Variants in PRKCE observed in about 807,000 individuals in gnomAD.
The protein encoded by PRKCE is protein kinase C epsilon.
A neutral mutation model predicts 85.4 loss-of-function variants in PRKCE; 16 were observed. That is an observed-to-expected ratio of 0.19 (90% CI 0.13 to 0.28). The LOEUF is 0.28. Among genes scored for constraint, PRKCE ranks in the 10% least tolerant of loss-of-function variants. The pLI is 1.00. For missense variants in PRKCE, 573 were observed against 975.2 expected, an observed-to-expected ratio of 0.59 and a Z score of 5.49; for synonymous variants, 388 against 371.5, an observed-to-expected ratio of 1.04 and a Z score of -0.51.
Position 45,980,387 on chromosome 2 carries a change from T to C in PRKCE, c.693+6T>C, listed in dbSNP as rs761426220. On this transcript the variant is annotated splice_donor_region_variant and intron_variant, in intron 5 of 14. Transcript: ENST00000306156. ...AGCAGGAGACCCCCGACCAGGTAAGTGTTGGTGACACGGAAATTCTGGGCT... is the reference window on the plus strand; with the variant it reads ...AGCAGGAGACCCCCGACCAGGTAAGCGTTGGTGACACGGAAATTCTGGGCT... 6.3e-7 allele frequency: 1 copy of C among 1,599,594 alleles called. No homozygotes were observed. Among genetic ancestry groups the C allele is most frequent in the Non-Finnish European group, 8.5e-7 (1 of 1,179,832 alleles).
intron 2 of PRKCE, among the ~76,000 whole-genome samples, chr2:45,893,566 C>G (rs1224690551): frequency 6.6e-6 from 1 of 152,068 alleles, no homozygotes; most frequent in East Asian, 1.9e-4. Flanking sequence ...CAGAGTTTCA[C>G]CATGTTGGCC....
At chr2:46,090,402 G>T (rs576513510) in intron 11 of PRKCE, among the ~76,000 whole-genome samples, 11 of 152,104 alleles carry the variant, frequency 7.2e-5, no homozygotes, top group African/African-American at 2.7e-4. Context: ...TGTGCATTTT[G>T]CTTGTTCCCT....
chr2:45,835,981 G>A (rs1690842333), intron 1 of PRKCE, among the ~76,000 whole-genome samples: 3 of 152,148 alleles, frequency 2.0e-5, no homozygotes, highest in Non-Finnish European at 4.4e-5. Flanking sequence ...GGACATTTGG[G>A]ACATTTCCAG....
At chr2:45,723,667 C>T (rs1680812117) in intron 1 of PRKCE, among the ~76,000 whole-genome samples, 2 of 152,228 alleles carry the variant, frequency 1.3e-5, no homozygotes, top group Admixed American at 6.5e-5. Context: ...TGCAGTGGCG[C>T]GATCTCGGCT....
intron 14 of PRKCE, among the ~76,000 whole-genome samples, chr2:46,168,843 T>G (rs1678602868): frequency 6.6e-6 from 1 of 152,144 alleles, no homozygotes; most frequent in South Asian, 2.1e-4. Flanking sequence ...GTCAGCCCCC[T>G]TCTCATCTTG....
intron 13 of PRKCE, among the ~76,000 whole-genome samples, chr2:46,154,225 G>C (rs1295443324): frequency 2.0e-5 from 3 of 152,116 alleles, no homozygotes; most frequent in Non-Finnish European, 4.4e-5. Context: ...GCGTGGTCTG[G>C]AGGGTGCCTC....
intron 11 of PRKCE, among the ~76,000 whole-genome samples, chr2:46,122,296 A>G (rs898451473): frequency 6.6e-6 from 1 of 152,058 alleles, no homozygotes; most frequent in South Asian, 2.1e-4. Flanking sequence ...CAGTGGCGTG[A>G]TCTTGGCTCA....
intron 3 of PRKCE, chr2:45,978,190 A>G (rs1702608868): frequency 6.6e-6 from 1 of 152,266 alleles, no homozygotes; most frequent in Non-Finnish European, 1.5e-5. Context: ...ACATTTGGTC[A>G]TGAACTGAGT....
intron 2 of PRKCE, among the ~76,000 whole-genome samples, chr2:45,911,820 G>T (rs146889563): frequency 6.6e-6 from 1 of 152,068 alleles, no homozygotes; most frequent in Non-Finnish European, 1.5e-5. Context: ...TTTGATAAGG[G>T]CAGATAACTT....
chr2:46,033,527 A>T (rs1281153697), intron 10 of PRKCE, among the ~76,000 whole-genome samples: 3 of 152,194 alleles, frequency 2.0e-5, no homozygotes, highest in Non-Finnish European at 4.4e-5. Flanking sequence ...GGGCTTGGGG[A>T]TCTGCATTTT....
intron 10 of PRKCE, chr2:46,073,477 C>T (rs1201268505): frequency 6.6e-6 from 1 of 152,012 alleles, no homozygotes; most frequent in Non-Finnish European, 1.5e-5. Flanking sequence ...ACTGGATTTA[C>T]TGGGGCTGGC....
intron 1 of PRKCE, among the ~76,000 whole-genome samples, chr2:45,710,001 G>A (rs565828842): frequency 1.3e-5 from 2 of 152,238 alleles, no homozygotes; most frequent in East Asian, 1.9e-4. Flanking sequence ...AGTAGAGATG[G>A]GGTTTCACCA....
chr2:45,748,037 TA>T (rs1683274576), intron 1 of PRKCE, among the ~76,000 whole-genome samples: 1 of 152,204 alleles, frequency 6.6e-6, no homozygotes, highest in African/African-American at 2.4e-5. Flanking sequence ...GTTATTAAGT[TA>T]TAGGGGTTCT....
chr2:45,691,524 A>G (rs571695320), intron 1 of PRKCE, among the ~76,000 whole-genome samples: 2 of 152,348 alleles, frequency 1.3e-5, no homozygotes, highest in South Asian at 4.1e-4. Flanking sequence ...TGGCACATTC[A>G]GTAGTGTTCT....
intron 10 of PRKCE, among the ~76,000 whole-genome samples, chr2:46,085,735 CGTTTTTTTTTTTTGTTTTTGT>C (rs1558437364): frequency 4.0e-5 from 4 of 101,058 alleles, no homozygotes; most frequent in Non-Finnish European, 3.6e-5. Flanking sequence ...CTGCAAAATC[CGTTTTTTTTTTTTGTTTTTGT>C]TTTTTTTTTT....
chr2:45,965,783 G>A (rs1701691702), intron 2 of PRKCE, among the ~76,000 whole-genome samples: 2 of 151,834 alleles, frequency 1.3e-5, no homozygotes, highest in Non-Finnish European at 2.9e-5. Context: ...GCGTTTGAGT[G>A]TATTCTTTTT....
intron 11 of PRKCE, among the ~76,000 whole-genome samples, chr2:46,126,037 G>C (rs570127761): frequency 6.6e-6 from 1 of 152,254 alleles, no homozygotes; most frequent in African/African-American, 2.4e-5. Flanking sequence ...AGTTCTTGCC[G>C]AGTGGGCTCA....
At chr2:45,811,188 C>T (rs1049070246) in intron 1 of PRKCE, among the ~76,000 whole-genome samples, 3 of 152,200 alleles carry the variant, frequency 2.0e-5, no homozygotes, top group African/African-American at 7.2e-5. Flanking sequence ...GCCTCAGCCT[C>T]AGCCATCATC....
intron 2 of PRKCE, among the ~76,000 whole-genome samples, chr2:45,846,977 C>T (rs925713696): frequency 6.6e-6 from 1 of 152,222 alleles, no homozygotes; most frequent in Admixed American, 6.5e-5. Context: ...TTCAGGGAAA[C>T]TGTTCAAGGA....
Sources: allele counts gnomAD v4.1 joint callset (sites outside exome capture counted in the v4.1 genomes callset), GRCh38; gene constraint gnomAD v4.1.1; transcripts MANE v1.5; gene names NCBI Gene and HGNC (gene_info 2026-07-23, HGNC 2026-07-21).